EPB41L4A: variants seen among roughly 807,000 people sequenced by gnomAD.
EPB41L4A encodes band 4.1-like protein 4A.
A neutral mutation model predicts 108.6 loss-of-function variants in EPB41L4A; 100 were observed. The observed-to-expected ratio is 0.92, with a 90% CI of 0.78 to 1.09. The LOEUF (loss-of-function observed/expected upper bound fraction) is 1.09. Among genes scored for constraint, EPB41L4A ranks in the 50% least tolerant of loss-of-function variants. The pLI is 0.00. For synonymous variants in EPB41L4A, 319 were observed against 289.0 expected, an observed-to-expected ratio of 1.10 and a Z score of -1.05; for missense variants, 1,030 against 842.7, an observed-to-expected ratio of 1.22 and a Z score of -2.75.
chr5:112,280,474 G>A, intron 2 of EPB41L4A, 151 bp from the exon 3 acceptor site: 1 of 692,666 alleles, frequency 1.4e-6, no homozygotes, highest in South Asian at 1.7e-5. Context: ...ATACATAAGA[G>A]TTTTCTGCAG....
chr5:112,379,455 G>C (rs1010589208), intron 1 of EPB41L4A, among the ~76,000 whole-genome samples: 7 of 152,126 alleles, frequency 4.6e-5, no homozygotes, highest in African/African-American at 1.7e-4. Context: ...CAAGAGGTAA[G>C]GAACACAAAG....
intron 2 of EPB41L4A, among the ~76,000 whole-genome samples, chr5:112,299,584 C>A (rs1754224262): frequency 6.6e-6 from 1 of 152,154 alleles, no homozygotes; most frequent in Non-Finnish European, 1.5e-5. Context: ...GCAGGTAGAT[C>A]ACCTGAGTTC....
chr5:112,230,175 T>C (rs900228845), intron 12 of EPB41L4A, among the ~76,000 whole-genome samples: 5 of 152,118 alleles, frequency 3.3e-5, no homozygotes, highest in Non-Finnish European at 7.4e-5. Context: ...AAATACAAAT[T>C]GTGCTGTTAT....
chr5:112,379,938 A>T (rs1760056007), intron 1 of EPB41L4A, among the ~76,000 whole-genome samples: 1 of 152,234 alleles, frequency 6.6e-6, no homozygotes, highest in African/African-American at 2.4e-5. Context: ...CAAATTTAAG[A>T]CGACTATTTT....
chr5:112,205,613 C>T, intron 13 of EPB41L4A, 109 bp from the exon 14 acceptor site: 2 of 831,842 alleles, frequency 2.4e-6, no homozygotes, highest in Non-Finnish European at 3.8e-6. Flanking sequence ...GATGTGCACA[C>T]TTATTTGCTT....
At chr5:112,353,366 G>A (rs912593123) in intron 1 of EPB41L4A, among the ~76,000 whole-genome samples, 18 of 152,206 alleles carry the variant, frequency 1.2e-4, no homozygotes, top group African/African-American at 3.1e-4. Flanking sequence ...CGGCAGTGGC[G>A]GGCTGAGCAG....
intron 1 of EPB41L4A, among the ~76,000 whole-genome samples, chr5:112,366,898 G>A (rs1030609500): frequency 6.6e-6 from 1 of 152,098 alleles, no homozygotes. Flanking sequence ...CAGAGTCTGA[G>A]GTCACATACT....
intron 1 of EPB41L4A, among the ~76,000 whole-genome samples, chr5:112,347,653 T>A (rs1340545947): frequency 6.6e-6 from 1 of 152,252 alleles, no homozygotes; most frequent in African/African-American, 2.4e-5. Context: ...CCTTTCACTG[T>A]CTGAGCTTTG....
intron 1 of EPB41L4A, among the ~76,000 whole-genome samples, chr5:112,321,131 G>A (rs1251587789): frequency 6.6e-6 from 1 of 152,140 alleles, no homozygotes; most frequent in Non-Finnish European, 1.5e-5. Flanking sequence ...AGATGGAGAG[G>A]CAATTCTAAA....
chr5:112,385,406 A>T (rs921590501), intron 1 of EPB41L4A, among the ~76,000 whole-genome samples: 3 of 151,966 alleles, frequency 2.0e-5, no homozygotes, highest in Non-Finnish European at 2.9e-5. Context: ...AATCAACACT[A>T]GGCAACCATT....
At chr5:112,186,231 G>A (rs1214607997) in intron 17 of EPB41L4A, among the ~76,000 whole-genome samples, 1 of 152,180 alleles carries the variant, frequency 6.6e-6, no homozygotes, top group African/African-American at 2.4e-5. Context: ...ATATTTTTGA[G>A]AGGTCAAACC....
At chr5:112,292,253 T>C (rs1306885489) in intron 2 of EPB41L4A, among the ~76,000 whole-genome samples, 1 of 152,190 alleles carries the variant, frequency 6.6e-6, no homozygotes, top group Non-Finnish European at 1.5e-5. Flanking sequence ...CAAATGCTCA[T>C]CTTTCCTCAC....
At chr5:112,339,506 A>ATC (rs1561585337) in intron 1 of EPB41L4A, among the ~76,000 whole-genome samples, 2 of 44,474 alleles carry the variant, frequency 4.5e-5, no homozygotes, top group African/African-American at 1.8e-4. Flanking sequence ...CTATATATAT[A>ATC]TATAGATATA....
intron 1 of EPB41L4A, among the ~76,000 whole-genome samples, chr5:112,364,299 T>A (rs1758979951): frequency 1.3e-5 from 2 of 152,206 alleles, no homozygotes; most frequent in Admixed American, 1.3e-4. Context: ...GTGCTGGGAT[T>A]ATAGACGTGA....
intron 1 of EPB41L4A, among the ~76,000 whole-genome samples, chr5:112,322,580 C>T (rs1385022308): frequency 2.0e-5 from 3 of 152,104 alleles, no homozygotes; most frequent in African/African-American, 4.8e-5. Flanking sequence ...ATCCTACCGA[C>T]CCCAGCAGAC....
At chr5:112,397,183 G>A (rs1181630593) in intron 1 of EPB41L4A, among the ~76,000 whole-genome samples, 1 of 152,112 alleles carries the variant, frequency 6.6e-6, no homozygotes, top group Non-Finnish European at 1.5e-5. Flanking sequence ...GTGAGAAAAT[G>A]AAGTATTTGG....
intron 17 of EPB41L4A, among the ~76,000 whole-genome samples, chr5:112,185,531 G>A (rs1179267904): frequency 6.6e-6 from 1 of 152,158 alleles, no homozygotes. Context: ...ATTGTGCTAA[G>A]TAAAAAACTA....
chr5:112,409,624 T>C (rs1001944238), intron 1 of EPB41L4A, among the ~76,000 whole-genome samples: 2 of 152,122 alleles, frequency 1.3e-5, no homozygotes, highest in African/African-American at 4.8e-5. Context: ...TAAAGATACT[T>C]TTTCTTATTC....
At chr5:112,365,990 G>A (rs941868317) in intron 1 of EPB41L4A, among the ~76,000 whole-genome samples, 1 of 152,152 alleles carries the variant, frequency 6.6e-6, no homozygotes, top group Non-Finnish European at 1.5e-5. Flanking sequence ...GCCCTATGCT[G>A]GGAAGAGAGT....
Sources: allele counts gnomAD v4.1 joint callset (sites outside exome capture counted in the v4.1 genomes callset), GRCh38; gene constraint gnomAD v4.1.1; transcripts MANE v1.5; gene names NCBI Gene and HGNC (gene_info 2026-07-23, HGNC 2026-07-21).